The following POR variants were observed in gnomAD, a reference collection of about 807,000 sequenced individuals.
The protein encoded by POR is NADPH--cytochrome P450 reductase.
POR carries 56 observed loss-of-function variants against 84.0 expected under a neutral mutation model. The ratio of observed to expected loss-of-function variants is 0.67; its 90% CI spans 0.54 to 0.83. POR has a LOEUF of 0.83. Among genes scored for constraint, POR ranks in the 40% least tolerant of loss-of-function variants. The probability of loss-of-function intolerance (pLI) is 0.00; values close to 1 mark genes in which losing one functional copy is unlikely to be tolerated. For missense variants in POR, 938 were observed against 944.3 expected, an observed-to-expected ratio of 0.99 and a Z score of 0.09; for synonymous variants, 414 against 400.5, an observed-to-expected ratio of 1.03 and a Z score of -0.40.
intron 1 of POR, among the ~76,000 whole-genome samples, chr7:75,926,520 G>A (rs984472892): frequency 1.5e-4 from 23 of 152,278 alleles, no homozygotes; most frequent in African/African-American, 5.5e-4. Context: ...TGCTGGCCAG[G>A]TGTGGTGGCT....
chr7:75,963,810 G>A (rs1025321927), intron 2 of POR, among the ~76,000 whole-genome samples: 3 of 152,052 alleles, frequency 2.0e-5, no homozygotes, highest in Non-Finnish European at 4.4e-5. Flanking sequence ...GGTCGTGGGG[G>A]GTCAGAGGTC....
At chr7:75,960,425 T>C (rs1787887634) in intron 2 of POR, among the ~76,000 whole-genome samples, 2 of 152,172 alleles carry the variant, frequency 1.3e-5, no homozygotes. Context: ...CCCCAGGGAA[T>C]GCTCAGCCTC....
At chr7:75,930,558 T>G (rs1350858925) in intron 1 of POR, among the ~76,000 whole-genome samples, 3 of 152,208 alleles carry the variant, frequency 2.0e-5, no homozygotes, top group African/African-American at 4.8e-5. Flanking sequence ...AGTCTCGCTG[T>G]GTCGCCCAGG....
intron 2 of POR, among the ~76,000 whole-genome samples, chr7:75,955,923 AC>A (rs1301065486): frequency 2.0e-5 from 3 of 152,218 alleles, no homozygotes; most frequent in African/African-American, 7.2e-5. Flanking sequence ...CAGAACACTT[AC>A]AGCCTTCACA....
chr7:75,980,735 T>G (rs1554557658), intron 5 of POR: 4 of 1,493,210 alleles, frequency 2.7e-6, no homozygotes, highest in Non-Finnish European at 2.7e-6. Context: ...AAGAAAGGTC[T>G]GGCTGGACGA....
intron 1 of POR, among the ~76,000 whole-genome samples, chr7:75,932,769 C>T (rs1807480743): frequency 1.3e-5 from 2 of 152,008 alleles, no homozygotes; most frequent in Admixed American, 6.6e-5. Flanking sequence ...CCTGTAATCC[C>T]AGCACTTTGG....
intron 2 of POR, among the ~76,000 whole-genome samples, chr7:75,970,158 C>T (rs548083069): frequency 2.0e-5 from 3 of 152,110 alleles, no homozygotes; most frequent in South Asian, 4.2e-4. Context: ...GAATCGGCCA[C>T]TTTTCTCTTG....
rs147421179 is a variant in POR at position 75,919,382 on chromosome 7, C to CGTGCGTGTGTGTGT, written c.-5+4206_-5+4207insCGTGTGTGTGTGTG. Among the ~76,000 whole-genome samples, 48 of 146,528 alleles carry CGTGCGTGTGTGTGT rather than the reference C, an allele frequency of 3.3e-4. 1 individual carries two copies. The highest frequency in any genetic ancestry group is 3.6e-3 in the Middle Eastern group (1 of 278). On this transcript the variant is annotated intron_variant, in intron 1 of 15. Transcript: ENST00000461988. ...ACACGCCTGTCTGCATCTGTGCGTGCGTGTGTGTGTGTGTGTGTGTGTGTG... is the reference window on the plus strand; with the variant it reads ...ACACGCCTGTCTGCATCTGTGCGTGCGTGCGTGTGTGTGTGTGTGTGTGTGTGTGTGTGTGTGTG...
chr7:75,949,632 G>T (rs1787325981), intron 1 of POR, among the ~76,000 whole-genome samples: 1 of 151,850 alleles, frequency 6.6e-6, no homozygotes, highest in Non-Finnish European at 1.5e-5. Context: ...TGATTCTCCA[G>T]CCTCAGCCTC....
At chr7:75,962,673 G>C (rs1554554664) in intron 2 of POR, among the ~76,000 whole-genome samples, 2 of 152,288 alleles carry the variant, frequency 1.3e-5, no homozygotes, top group Non-Finnish European at 2.9e-5. Context: ...TCTGTAATCA[G>C]TATCATAATC....
At chr7:75,920,760 G>A (rs1475635264) in intron 1 of POR, among the ~76,000 whole-genome samples, 6 of 151,872 alleles carry the variant, frequency 4.0e-5, no homozygotes, top group Non-Finnish European at 7.4e-5. Flanking sequence ...CGTGAACTAC[G>A]GTCACCTTTC....
At chr7:75,930,901 T>C (rs1378098360) in intron 1 of POR, among the ~76,000 whole-genome samples, 5 of 152,136 alleles carry the variant, frequency 3.3e-5, no homozygotes, top group African/African-American at 1.2e-4. Flanking sequence ...TATCTCACTG[T>C]AACCCCCAAT....
At chr7:75,933,024 GAAA>G (rs782591942) in intron 1 of POR, among the ~76,000 whole-genome samples, 1 of 92,666 alleles carries the variant, frequency 1.1e-5, no homozygotes. Flanking sequence ...GACTCCATCT[GAAA>G]AAAAAAAAAA....
Position 75,986,645 on chromosome 7 carries a change from C to T in POR, c.*164C>T. The T allele has an allele frequency of 1.1e-6, 1 of 873,412 alleles. No homozygotes were observed. Among genetic ancestry groups the T allele is most frequent in the Non-Finnish European group, 1.7e-6 (1 of 583,302 alleles). 54.1% of individuals were successfully genotyped at this position (873,412 alleles called of 1,614,324 possible). ...GGTGCATCCTCCTCAGCCCCCAGGC[C>T]AGGTGAGGTCCACCGGCCCCTGGCA... On this transcript the variant is annotated 3_prime_UTR_variant, in exon 16 of 16. Coordinates refer to ENST00000461988, the MANE Select transcript of POR (RefSeq NM_000941.3).
In POR at chr7:75,986,023, G is replaced by A. The variant is rs1425741371; in HGVS notation, c.1770G>A (p.Ala590=). 12 of 1,561,696 alleles carry A rather than the reference G, an allele frequency of 7.7e-6. No individual in the cohort carries two copies. The highest frequency in any genetic ancestry group is 2.7e-5 in the African/African-American group (2 of 73,670). ...TGGCGCAGTTCCACAGGGACGGTGC[G>A]CTCACCCAGCTCAACGTGGCCTTCT... Residue 590 remains alanine, a synonymous_variant, in exon 14 of 16, where the codon GCG becomes GCA. Coordinates refer to ENST00000461988, the MANE Select transcript of POR (RefSeq NM_000941.3).
intron 1 of POR, among the ~76,000 whole-genome samples, chr7:75,933,382 T>G (rs1460736019): frequency 2.6e-4 from 22 of 85,608 alleles, no homozygotes; most frequent in Non-Finnish European, 3.9e-4. Flanking sequence ...CTTTGTTTTT[T>G]TTTTTTTTTT....
At position 75,934,021 on chromosome 7, in the gene POR, T is replaced by C. The variant is rs546681405; in HGVS notation, c.-5+18842T>C. Among the ~76,000 whole-genome samples, 10 of 151,738 alleles carry C rather than the reference T, an allele frequency of 6.6e-5. No individual in the cohort carries two copies. The East Asian group carries it at 1.4e-3, about 21-fold the overall frequency. On this transcript the variant is annotated intron_variant, in intron 1 of 15. Coordinates refer to ENST00000461988, the MANE Select transcript of POR (RefSeq NM_000941.3). ...AGTGATCAATAGCAGGAAATTAACA[T>C]TGATATCCTGTGTTGTCTAATCATA...
chr7:75,975,814 ATTT>A (rs539245771), intron 3 of POR, among the ~76,000 whole-genome samples: 6 of 82,186 alleles, frequency 7.3e-5, no homozygotes, highest in African/African-American at 2.6e-4. Flanking sequence ...AGCTGTTCAG[ATTT>A]TTTTTTTTTT....
chr7:75,955,713 C>T (rs1554553673), intron 2 of POR, among the ~76,000 whole-genome samples: 3 of 152,172 alleles, frequency 2.0e-5, no homozygotes, highest in African/African-American at 7.2e-5. Context: ...GCAGCCTTAG[C>T]TTGCACCCCA....
Sources: gnomAD v4.1 joint callset for allele counts (sites outside exome capture counted in the v4.1 genomes callset) on GRCh38, gnomAD v4.1.1 for gene constraint, MANE v1.5 for transcripts, NCBI Gene and HGNC (gene_info 2026-07-23, HGNC 2026-07-21) for gene names.